Variants in GRIK2 observed in about 807,000 individuals in gnomAD.
GRIK2 encodes glutamate ionotropic receptor kainate type subunit 2.
A neutral mutation model predicts 100.3 loss-of-function variants in GRIK2; 32 were observed. The ratio of observed to expected loss-of-function variants is 0.32; its 90% CI spans 0.24 to 0.43. GRIK2 has a LOEUF of 0.43. GRIK2 is among the 20% of genes least tolerant of loss of function. The pLI, the probability that GRIK2 is intolerant of heterozygous loss-of-function variation, is 1.00. For synonymous variants in GRIK2, 417 were observed against 389.4 expected (o/e 1.07, Z -0.83); for missense variants, 843 against 1,114.9 (o/e 0.76, Z 3.47).
At chr6:101,936,663 T>G (rs567422164) in intron 14 of GRIK2, among the ~76,000 whole-genome samples, 1 of 152,206 alleles carries the variant, frequency 6.6e-6, no homozygotes, top group East Asian at 1.9e-4. Context: ...ACCATTTTAC[T>G]ATGTTCCCAT....
At chr6:101,863,534 C>A (rs1172762860) in intron 11 of GRIK2, among the ~76,000 whole-genome samples, 1 of 152,156 alleles carries the variant, frequency 6.6e-6, no homozygotes, top group Non-Finnish European at 1.5e-5. Flanking sequence ...ACTTGAAATT[C>A]TTTGTCCTTT....
intron 1 of GRIK2, chr6:101,398,691 C>T: frequency 4.1e-6 from 1 of 242,142 alleles, no homozygotes; most frequent in Non-Finnish European, 7.8e-6. Context: ...ATGTTCTCCC[C>T]ATAAATAAAT....
intron 2 of GRIK2, among the ~76,000 whole-genome samples, chr6:101,487,346 C>T (rs1364623781): frequency 1.4e-5 from 2 of 146,238 alleles, no homozygotes; most frequent in African/African-American, 2.6e-5. Context: ...ACCAGCCTTA[C>T]AAATGTGTGC....
chr6:101,707,574 GTA>G lies in GRIK2; in HGVS notation c.951+21223_951+21224del, dbSNP rs1157915229. On this transcript the variant is annotated intron_variant, in intron 7 of 16. Transcript: ENST00000369134. ...TATGTGTATATATATGTATATATGT[GTA>G]TGTGTGTGTGTGTGTGTGTATATAT... is the stretch of plus-strand genomic sequence containing the variant. Among the ~76,000 whole-genome samples the G allele has an allele frequency of 3.3e-3, 154 of 47,004 alleles. 1 individual carries two copies. Among genetic ancestry groups the G allele is most frequent in the African/African-American group, 0.011 (107 of 9,448 alleles). The allele number at this position is 47,004 out of a possible 152,430, so 30.8% of individuals were successfully genotyped here.
chr6:101,443,555 C>T (rs1310943294), intron 2 of GRIK2, among the ~76,000 whole-genome samples: 3 of 151,948 alleles, frequency 2.0e-5, no homozygotes, highest in Non-Finnish European at 4.4e-5. Flanking sequence ...TTTGAGACAA[C>T]AATAAAGCTA....
intron 7 of GRIK2, among the ~76,000 whole-genome samples, chr6:101,719,286 T>C (rs77899951): frequency 5.7e-4 from 86 of 151,796 alleles, no homozygotes; most frequent in African/African-American, 2.0e-3. Flanking sequence ...GCAGGCCCAT[T>C]GGTTGCTGTT....
intron 14 of GRIK2, among the ~76,000 whole-genome samples, chr6:102,023,296 C>G (rs1378818855): frequency 6.6e-6 from 1 of 150,898 alleles, no homozygotes; most frequent in Non-Finnish European, 1.5e-5. Flanking sequence ...AAAATAAGAC[C>G]TGAAAGGCTT....
At chr6:102,022,268 A>G (rs1487358372) in intron 14 of GRIK2, among the ~76,000 whole-genome samples, 1 of 151,624 alleles carries the variant, frequency 6.6e-6, no homozygotes, top group Admixed American at 6.6e-5. Flanking sequence ...AACTCCATAC[A>G]CAGTTGTTAA....
chr6:101,569,666 G>A (rs1777440933), intron 2 of GRIK2, among the ~76,000 whole-genome samples: 2 of 151,878 alleles, frequency 1.3e-5, no homozygotes, highest in East Asian at 1.9e-4. Flanking sequence ...TTATGTTTAT[G>A]TTGATATTTC....
At chr6:102,042,728 C>T (rs1243178404) in intron 15 of GRIK2, among the ~76,000 whole-genome samples, 1 of 151,590 alleles carries the variant, frequency 6.6e-6, no homozygotes, top group Non-Finnish European at 1.5e-5. Context: ...GCTGACATAA[C>T]CATTCCTAAC....
chr6:101,643,201 C>A (rs1006734995), intron 4 of GRIK2, among the ~76,000 whole-genome samples: 1 of 151,240 alleles, frequency 6.6e-6, no homozygotes, highest in Admixed American at 6.6e-5. Context: ...TGGTTGTGTC[C>A]TTTGATGCAA....
At chr6:102,007,136 A>G (rs1795285797) in intron 14 of GRIK2, among the ~76,000 whole-genome samples, 1 of 152,152 alleles carries the variant, frequency 6.6e-6, no homozygotes, top group Non-Finnish European at 1.5e-5. Context: ...ACCAAATTGA[A>G]TATGGATGGT....
chr6:101,708,213 A>G (rs1773469671), intron 7 of GRIK2, among the ~76,000 whole-genome samples: 1 of 151,804 alleles, frequency 6.6e-6, no homozygotes, highest in South Asian at 2.1e-4. Context: ...AGACTACACC[A>G]TAAACTCTAC....
At chr6:101,952,744 A>C (rs926261736) in intron 14 of GRIK2, among the ~76,000 whole-genome samples, 2 of 152,082 alleles carry the variant, frequency 1.3e-5, no homozygotes, top group African/African-American at 4.8e-5. Context: ...CTGGGACCAC[A>C]GGTGCCCGCC....
intron 2 of GRIK2, among the ~76,000 whole-genome samples, chr6:101,531,680 T>C (rs1171065615): frequency 6.6e-6 from 1 of 151,908 alleles, no homozygotes; most frequent in Admixed American, 6.6e-5. Flanking sequence ...AATCAAGGAT[T>C]ATGACACTGA....
At chr6:101,799,411 G>T (rs1780533915) in intron 7 of GRIK2, among the ~76,000 whole-genome samples, 1 of 151,828 alleles carries the variant, frequency 6.6e-6, no homozygotes, top group Non-Finnish European at 1.5e-5. Context: ...TATGTAATTG[G>T]GTTATTTCAG....
chr6:101,712,202 A>T (rs1319223731), intron 7 of GRIK2, among the ~76,000 whole-genome samples: 3 of 151,830 alleles, frequency 2.0e-5, no homozygotes, highest in African/African-American at 4.8e-5. Flanking sequence ...GGGCCATAGG[A>T]TCATAGCTGA....
At chr6:101,759,551 A>C (rs970122266) in intron 7 of GRIK2, among the ~76,000 whole-genome samples, 1 of 152,114 alleles carries the variant, frequency 6.6e-6, no homozygotes, top group African/African-American at 2.4e-5. Flanking sequence ...TGGACAAATG[A>C]GGTTTGGAGA....
At chr6:101,510,510 GTTTTTTTTTTTTTT>G (rs142391999) in intron 2 of GRIK2, among the ~76,000 whole-genome samples, 3 of 94,346 alleles carry the variant, frequency 3.2e-5, no homozygotes, top group Non-Finnish European at 4.1e-5. Flanking sequence ...CAGTTGGGGA[GTTTTTTTTTTTTTT>G]TTTTTTTTTT....
Sources: allele counts gnomAD v4.1 joint callset (sites outside exome capture counted in the v4.1 genomes callset), GRCh38; gene constraint gnomAD v4.1.1; transcripts MANE v1.5; gene names NCBI Gene and HGNC (gene_info 2026-07-23, HGNC 2026-07-21).